Variants in TTC21B observed in about 807,000 individuals in gnomAD.
TTC21B encodes tetratricopeptide repeat domain 21B.
In TTC21B, 127 loss-of-function variants were observed where a neutral mutation model predicts 175.1. The ratio of observed to expected loss-of-function variants is 0.73; its 90% CI spans 0.63 to 0.84. The LOEUF is 0.84. Among genes scored for constraint, TTC21B ranks in the 40% least tolerant of loss-of-function variants. TTC21B has a pLI of 0.00. For missense variants in TTC21B, 1,561 were observed against 1,558.3 expected, an observed-to-expected ratio of 1.00 and a Z score of -0.03; for synonymous variants, 524 against 524.5, an observed-to-expected ratio of 1.00 and a Z score of 0.01.
intron 12 of TTC21B, among the ~76,000 whole-genome samples, chr2:165,922,734 T>G (rs978108784): frequency 2.0e-5 from 3 of 152,130 alleles, no homozygotes; most frequent in African/African-American, 7.2e-5. Context: ...CACTACTAGA[T>G]ATCTACCCAA....
In TTC21B at chr2:165,941,047, C is replaced by G; in HGVS notation, c.690G>C (p.Gln230His). 6.2e-7 allele frequency: 1 copy of G among 1,613,926 alleles called. No homozygotes were observed. The highest frequency in any genetic ancestry group is 8.5e-7 in the Non-Finnish European group (1 of 1,179,842). The change falls in exon 6 of 29, where the codon CAG becomes CAC. Residue 230 changes from glutamine to histidine, a missense_variant. By Grantham distance (24) the Gln-to-His change is conservative (BLOSUM62 0). Transcript: ENST00000243344. ...TTAACCTTTGTGCTGTCTCAACTGT[C>G]TGGTCCCAATCCTGCAAGGCTAGTT... ...KLQLALQDWD[Q>H]TVETAQRLLL...
intron 13 of TTC21B, 124 bp downstream of exon 13, chr2:165,919,152 A>C: frequency 8.6e-7 from 1 of 1,163,942 alleles, no homozygotes; most frequent in Non-Finnish European, 1.3e-6. Flanking sequence ...TGTGAGTTCC[A>C]TTTTTTTTTC....
Position 165,874,611 on chromosome 2 carries a change from A to C in TTC21B, c.*144T>G, listed in dbSNP as rs1002899157. 1 of 708,026 alleles carries C rather than the reference A, an allele frequency of 1.4e-6. No individual in the cohort carries two copies. The highest frequency in any genetic ancestry group is 1.6e-5 in the South Asian group (1 of 61,974). The allele number at this position is 708,026 out of a possible 1,614,324, so 43.9% of individuals were successfully genotyped here. The stretch of plus-strand genomic sequence containing the variant: ...CCAATTTCACATAGTACTTCTCTTG[A>C]TGTACAGCAGCAACCTCTGCTGGAG... On this transcript the variant is annotated 3_prime_UTR_variant, in exon 29 of 29. Transcript: ENST00000243344.
intron 15 of TTC21B, among the ~76,000 whole-genome samples, chr2:165,914,524 T>G (rs1019644603): frequency 1.6e-4 from 24 of 152,234 alleles, no homozygotes; most frequent in African/African-American, 5.5e-4. Context: ...TGATATAATA[T>G]AGATGAGCCA....
chr2:165,908,584 G>A (rs1445268700), intron 18 of TTC21B, among the ~76,000 whole-genome samples: 2 of 151,980 alleles, frequency 1.3e-5, no homozygotes, highest in Non-Finnish European at 2.9e-5. Flanking sequence ...AGGTAGTCCT[G>A]GACACATCAA....
At chr2:165,953,649 C>T (rs867228695) in intron 1 of TTC21B, 36 bp downstream of exon 1, 6 of 874,522 alleles carry the variant, frequency 6.9e-6, no homozygotes, top group Non-Finnish European at 8.3e-6. Flanking sequence ...CTCCGCCCGC[C>T]CGCCCGCTCA....
chr2:165,875,814 C>CT (rs398060734), intron 28 of TTC21B, among the ~76,000 whole-genome samples: 21,695 of 144,360 alleles, frequency 0.15, 1,870 homozygotes, highest in East Asian at 0.34. Context: ...TGGTCTTTGT[C>CT]TTTTTTTTTT....
intron 27 of TTC21B, among the ~76,000 whole-genome samples, chr2:165,879,060 T>G (rs573130453): frequency 6.6e-6 from 1 of 152,260 alleles, no homozygotes; most frequent in East Asian, 1.9e-4. Context: ...ATTGAGGGTG[T>G]TAGATGCAAT....
intron 22 of TTC21B, among the ~76,000 whole-genome samples, chr2:165,897,411 T>C (rs1312900967): frequency 6.6e-6 from 1 of 152,028 alleles, no homozygotes; most frequent in Non-Finnish European, 1.5e-5. Flanking sequence ...AGGTGATATA[T>C]GAGAGAAAGA....
intron 21 of TTC21B, 105 bp downstream of exon 21, chr2:165,899,665 G>C (rs978162983): frequency 1.3e-6 from 1 of 751,694 alleles, no homozygotes; most frequent in Non-Finnish European, 2.4e-6. Context: ...TCTTCCAAAA[G>C]CCAACGTGAG....
At chr2:165,947,225 C>G (rs1243589580) in intron 3 of TTC21B, 4 of 124,880 alleles carry the variant, frequency 3.2e-5, no homozygotes, top group Non-Finnish European at 6.4e-5. Flanking sequence ...AAGTCAATTA[C>G]ACCCAAACCC....
chr2:165,919,816 T>C (rs16851291), intron 12 of TTC21B, among the ~76,000 whole-genome samples: 2,809 of 152,306 alleles, frequency 0.018, 124 homozygotes, highest in Admixed American at 0.1. Context: ...TAGAATTTTG[T>C]TGTGTCACTT....
At chr2:165,927,322 TATATATATA>T (rs1559065020) in intron 11 of TTC21B, among the ~76,000 whole-genome samples, 1 of 56,310 alleles carries the variant, frequency 1.8e-5, no homozygotes, top group East Asian at 3.7e-4. Flanking sequence ...TATTATATAA[TATATATATA>T]ATATATAATA....
At chr2:165,931,408 T>C (rs1004368396) in intron 8 of TTC21B, among the ~76,000 whole-genome samples, 1 of 152,142 alleles carries the variant, frequency 6.6e-6, no homozygotes, top group Admixed American at 6.6e-5. Context: ...TGGTCTTTTA[T>C]ACACTTTAAA....
intron 6 of TTC21B, chr2:165,934,731 C>G (rs1687062927): frequency 1.6e-5 from 1 of 61,808 alleles, no homozygotes; most frequent in Admixed American, 2.4e-4. Flanking sequence ...ACCTCTCTTT[C>G]AGATTGCTTG....
chr2:165,875,979 A>G (rs1684652447), intron 28 of TTC21B, among the ~76,000 whole-genome samples, 186 bp downstream of exon 28: 1 of 152,140 alleles, frequency 6.6e-6, no homozygotes, highest in South Asian at 2.1e-4. Flanking sequence ...AAGTAAAAAC[A>G]TGTTTTTTAT....
intron 6 of TTC21B, chr2:165,933,828 A>G (rs1447441613): frequency 6.6e-6 from 1 of 152,204 alleles, no homozygotes; most frequent in African/African-American, 2.4e-5. Context: ...CAGGAATAGC[A>G]GTGTATCAAC....
At position 165,921,452 on chromosome 2, in the gene TTC21B, T is replaced by C. The variant is rs13392845; in HGVS notation, c.1517-2019A>G. ...ACCTCACCCTGTGCATCTCTCCCTGTTGCTGATTTGGGTTAGTATCCTGTT... is the reference window on the plus strand; with the variant it reads ...ACCTCACCCTGTGCATCTCTCCCTGCTGCTGATTTGGGTTAGTATCCTGTT... On this transcript the variant is annotated intron_variant, in intron 12 of 28. Coordinates refer to ENST00000243344, the MANE Select transcript of TTC21B (RefSeq NM_024753.5). Among the ~76,000 whole-genome samples the C allele has an allele frequency of 5.3e-3, 802 of 152,314 alleles. 6 individuals are homozygous for C. Among genetic ancestry groups the C allele is most frequent in the African/African-American group, 0.018 (766 of 41,562 alleles).
At chr2:165,925,989 T>C (rs1313364519) in intron 11 of TTC21B, among the ~76,000 whole-genome samples, 3 of 152,154 alleles carry the variant, frequency 2.0e-5, no homozygotes, top group African/African-American at 4.8e-5. Context: ...TGTACAATCA[T>C]AGAAAAAATA....
Sources: allele counts gnomAD v4.1 joint callset (sites outside exome capture counted in the v4.1 genomes callset), GRCh38; gene constraint gnomAD v4.1.1; transcripts MANE v1.5; gene names NCBI Gene and HGNC (gene_info 2026-07-23, HGNC 2026-07-21).